Variants in HYCC1 observed in about 807,000 individuals in gnomAD.
The protein encoded by HYCC1 is hyccin PI4KA lipid kinase complex subunit 1.
chr7:22,955,829 A>G, the HYCC1 span, among the ~76,000 whole-genome samples: 5 of 151,658 alleles, frequency 3.3e-5, no homozygotes, highest in Admixed American at 2.6e-4. Context: ...AAATAGCTGA[A>G]ATGGTAGATG....
the HYCC1 span, chr7:22,990,959 A>AT: frequency 1.3e-6 from 1 of 771,266 alleles, no homozygotes; most frequent in Non-Finnish European, 2.3e-6. Context: ...TTCCACAGAT[A>AT]TTTAGCCTTT....
chr7:22,973,413 T>C, the HYCC1 span, among the ~76,000 whole-genome samples: 1 of 152,206 alleles, frequency 6.6e-6, no homozygotes, highest in Non-Finnish European at 1.5e-5. Context: ...GATTTTATCA[T>C]TGAGAATACA....
chr7:22,918,022 C>A, the HYCC1 span, among the ~76,000 whole-genome samples: 1 of 152,078 alleles, frequency 6.6e-6, no homozygotes, highest in Non-Finnish European at 1.5e-5. Context: ...GCTGAGGCCT[C>A]AACTTACTGC....
At chr7:22,913,127 A>G in the HYCC1 span, among the ~76,000 whole-genome samples, 4 of 41,912 alleles carry the variant, frequency 9.5e-5, no homozygotes, top group East Asian at 3.7e-3. Flanking sequence ...TCCATCTTGG[A>G]AAAAAAAAAA....
chr7:22,995,296 A>T, the HYCC1 span, among the ~76,000 whole-genome samples: 11 of 152,134 alleles, frequency 7.2e-5, no homozygotes, highest in African/African-American at 2.7e-4. Context: ...TTTCTGGATG[A>T]TCTTAGCTCC....
At chr7:23,014,032 C>A in the HYCC1 span, 1 of 471,134 alleles carries the variant, frequency 2.1e-6, no homozygotes, top group South Asian at 1.5e-5. Context: ...CACCTGCTCC[C>A]CTTCTTCCTA....
chr7:22,984,387 A>T, the HYCC1 span, among the ~76,000 whole-genome samples: 2 of 152,208 alleles, frequency 1.3e-5, no homozygotes, highest in Admixed American at 1.3e-4. Flanking sequence ...ACATAAACTA[A>T]CATCAACACT....
chr7:22,927,660 T>C, the HYCC1 span, among the ~76,000 whole-genome samples: 4 of 152,086 alleles, frequency 2.6e-5, no homozygotes, highest in Non-Finnish European at 2.9e-5. Context: ...CTGAATAGAC[T>C]AATAGCAGGC....
chr7:22,964,320 T>C, the HYCC1 span: 3 of 766,434 alleles, frequency 3.9e-6, no homozygotes, highest in African/African-American at 1.7e-5. Flanking sequence ...GCAAATCACT[T>C]ATCTATTGAC....
the HYCC1 span, among the ~76,000 whole-genome samples, chr7:22,921,425 C>G: frequency 6.6e-6 from 1 of 152,130 alleles, no homozygotes. Context: ...TATACTTTCT[C>G]CTCTTTCTTT....
At chr7:22,915,826 G>A in the HYCC1 span, among the ~76,000 whole-genome samples, 2 of 151,808 alleles carry the variant, frequency 1.3e-5, no homozygotes, top group Non-Finnish European at 2.9e-5. Context: ...TTCTTTTATG[G>A]GCTTCTTTTT....
the HYCC1 span, among the ~76,000 whole-genome samples, chr7:22,994,092 C>T: frequency 5.9e-5 from 9 of 152,252 alleles, no homozygotes; most frequent in Non-Finnish European, 1.2e-4. Flanking sequence ...GGGGTCCTCC[C>T]ACCTCAGCCT....
chr7:23,004,037 AACTGGGCT>A, the HYCC1 span, among the ~76,000 whole-genome samples: 3 of 152,242 alleles, frequency 2.0e-5, no homozygotes, highest in Non-Finnish European at 1.5e-5. Context: ...GATTCATATT[AACTGGGCT>A]AAGAGTCAAT....
At chr7:22,925,182 A>C in the HYCC1 span, among the ~76,000 whole-genome samples, 1 of 152,210 alleles carries the variant, frequency 6.6e-6, no homozygotes, top group Non-Finnish European at 1.5e-5. Context: ...ACCCATCTGT[A>C]CGTCACCATC....
chr7:22,978,413 G>C, the HYCC1 span: 1 of 1,613,932 alleles, frequency 6.2e-7, no homozygotes, highest in Non-Finnish European at 8.5e-7. Flanking sequence ...CACTGCGATA[G>C]AATTCAAAGA....
chr7:22,962,068 T>C, the HYCC1 span, among the ~76,000 whole-genome samples: 1 of 128,702 alleles, frequency 7.8e-6, no homozygotes, highest in African/African-American at 2.9e-5. Context: ...AAAAACAAGA[T>C]AAAGCCAGGT....
the HYCC1 span, among the ~76,000 whole-genome samples, chr7:22,972,051 T>C: frequency 1.3e-5 from 2 of 152,186 alleles, no homozygotes; most frequent in Non-Finnish European, 2.9e-5. Context: ...TGCTCTAGAA[T>C]TGTTGATACA....
chr7:23,013,451 G>A, the HYCC1 span, among the ~76,000 whole-genome samples: 1 of 152,224 alleles, frequency 6.6e-6, no homozygotes, highest in African/African-American at 2.4e-5. Flanking sequence ...CCTCGCCGAA[G>A]TAGAGGGCGC....
chr7:22,995,372 G>A, the HYCC1 span, among the ~76,000 whole-genome samples: 1 of 151,956 alleles, frequency 6.6e-6, no homozygotes, highest in East Asian at 1.9e-4. Flanking sequence ...CTTACCTGAA[G>A]TCTAAATTCC....
Sources: gnomAD v4.1 joint callset for allele counts (sites outside exome capture counted in the v4.1 genomes callset) on GRCh38, gnomAD v4.1.1 for gene constraint, MANE v1.5 for transcripts, NCBI Gene and HGNC (gene_info 2026-07-23, HGNC 2026-07-21) for gene names.